PRSS27: variants seen among roughly 807,000 people sequenced by gnomAD.
PRSS27 encodes channel-activating protease 2.
PRSS27 carries 25 observed loss-of-function variants against 32.0 expected under a neutral mutation model. That is an observed-to-expected ratio of 0.78 (90% CI 0.57 to 1.09). The LOEUF (loss-of-function observed/expected upper bound fraction) is 1.09. Among genes scored for constraint, PRSS27 ranks in the 50% least tolerant of loss-of-function variants. The pLI is 0.00. For missense variants in PRSS27, 401 were observed against 394.9 expected (o/e 1.02, Z -0.13); for synonymous variants, 178 against 172.2 (o/e 1.03, Z -0.26).
rs1377684661 is a variant in PRSS27, at chr16:2,717,716, G to GCTC, written c.47-1191_47-1190insGAG. ...GTGGGGACAGGAAGTGGCCATGGAG[G>GCTC]GCCCAAGCACCCCCAGGGTTTTTAC... On this transcript the variant is annotated intron_variant, in intron 1 of 5. Coordinates refer to ENST00000302641, the MANE Select transcript of PRSS27 (RefSeq NM_031948.5). The surrounding 1 kb of genome is among the most constrained non-coding windows in gnomAD (Gnocchi z 4.1). The GCTC allele has an allele frequency of 6.6e-6, 1 of 152,444 alleles. No individual in the cohort carries two copies. The highest frequency in any genetic ancestry group is 1.9e-4 in the East Asian group (1 of 5,182). The allele number at this position is 152,444 out of a possible 1,614,324, so 9.4% of individuals were successfully genotyped here.
chr16:2,714,309 G>A lies in PRSS27; in HGVS notation c.264C>T (p.Val88=), dbSNP rs1363406741. 1.9e-6 allele frequency: 3 copies of A among 1,613,090 alleles called. No individual in the cohort carries two copies. Among genetic ancestry groups the A allele is most frequent in the African/African-American group, 2.7e-5 (2 of 74,942 alleles). ...RNTSETSLYQ[V]LLGARQLVQP... ...GCACTAGCTGCCTTGCCCCCAGCAG[G>A]ACCTGGTACAGGGACGTCTCAGAGG... Residue 88 remains valine, a synonymous_variant, in exon 4 of 6, where the codon GTC becomes GTT. Coordinates refer to ENST00000302641, the MANE Select transcript of PRSS27 (RefSeq NM_031948.5). The surrounding 1 kb of genome is among the most constrained non-coding windows in gnomAD (Gnocchi z 4.7).
Position 2,714,444 on chromosome 16 carries a change from C to T in PRSS27, c.237-108G>A, listed in dbSNP as rs754733714. 5 of 1,266,946 alleles carry T rather than the reference C, an allele frequency of 3.9e-6. No homozygotes were observed. Among genetic ancestry groups the T allele is most frequent in the Non-Finnish European group, 5.5e-6 (5 of 902,558 alleles). 78.5% of individuals were successfully genotyped at this position (1,266,946 alleles called of 1,614,324 possible). A position where few individuals can be genotyped will look rare whatever the true frequency, so the allele number is the denominator to read the frequency against. On this transcript the variant is annotated intron_variant, in intron 3 of 5. Transcript: ENST00000302641. This position sits in a 1 kb window ranked among gnomAD's most constrained non-coding sequence, Gnocchi z 4.7. The stretch of plus-strand genomic sequence containing the variant: ...CCACCGTGCCCCACACCTCTCTCTG[C>T]ACAATGTCTTCGAGAGTCATCTCTA...
rs2074367 is a variant in PRSS27, at chr16:2,719,914, C to T, written c.46+201G>A. 1.9e-4 allele frequency among the ~76,000 whole-genome samples: 29 copies of T among 152,310 alleles called. No individual in the cohort carries two copies. The East Asian group carries it at 5.6e-3, about 29-fold the overall frequency. ...GGTCCTCTGGGGCCTGTGCGCACAC[C>T]TCCCACCCTGCCTCCCCACTTTGGA... On this transcript the variant is annotated intron_variant, in intron 1 of 5. Coordinates refer to ENST00000302641, the MANE Select transcript of PRSS27 (RefSeq NM_031948.5).
At position 2,719,621 on chromosome 16, in the gene PRSS27, C is replaced by T. The variant is rs540735205; in HGVS notation, c.46+494G>A. 1.8e-4 allele frequency among the ~76,000 whole-genome samples: 27 copies of T among 152,260 alleles called. No individual in the cohort carries two copies. The Middle Eastern group carries it at 0.01, about 58-fold the overall frequency. On this transcript the variant is annotated intron_variant, in intron 1 of 5. Transcript: ENST00000302641. Reference sequence around the variant, plus strand: ...GGCCCTCTGCCACCTACACCCCCTGCCCCCAGCTCTCTACTGAGCCTGCAG... The same window carrying T: ...GGCCCTCTGCCACCTACACCCCCTGTCCCCAGCTCTCTACTGAGCCTGCAG...
chr16:2,718,885 G>A (rs960322991), intron 1 of PRSS27, among the ~76,000 whole-genome samples: 1 of 152,154 alleles, frequency 6.6e-6, no homozygotes, highest in African/African-American at 2.4e-5. Flanking sequence ...GGGCTGATGG[G>A]AAATGGGGGA....
chr16:2,720,023 C>A, intron 1 of PRSS27, 92 bp downstream of exon 1: 1 of 1,221,594 alleles, frequency 8.2e-7, no homozygotes, highest in Non-Finnish European at 1.2e-6. Context: ...CAGCCTGTCC[C>A]AGGGAGTAGG....
chr16:2,719,845 C>G (rs996455485), intron 1 of PRSS27, among the ~76,000 whole-genome samples: 1 of 152,176 alleles, frequency 6.6e-6, no homozygotes, highest in South Asian at 2.1e-4. Context: ...CACCAGTGCC[C>G]GCGGAGAGGC....
In PRSS27 at chr16:2,713,691, C is replaced by A; in HGVS notation, c.516G>T (p.Leu172=). ...GTTTCTGCAGGATCCGCGGTTCGGG[C>A]AGGAGGTCTGGAGAGGGGCGGAACA... ...GWGSPSEEDL[L]PEPRILQKLA... is the part of the protein sequence containing the mutation. The change falls in exon 5 of 6, where the codon CTG becomes CTT. Residue 172 remains leucine, a synonymous_variant. Transcript: ENST00000302641. 1.9e-6 allele frequency: 3 copies of A among 1,614,182 alleles called. No individual in the cohort carries two copies. The highest frequency in any genetic ancestry group is 1.1e-5 in the South Asian group (1 of 91,088).
chr16:2,715,764 G>C lies in PRSS27; in HGVS notation c.190C>G (p.Leu64Val). ...GTCAGGACCCACTGCTCCGCGATGA[G>C]GCTGCCCCCGCAGAAGTGGCTTCCG... ...RNGSHFCGGSLIAEQWVLTAA... is the reference protein window; with the variant it reads ...RNGSHFCGGSVIAEQWVLTAA... The change falls in exon 3 of 6, where the codon CTC becomes GTC. Residue 64 changes from leucine to valine, a missense_variant. Transcript: ENST00000302641. 1 of 1,588,976 alleles carries C rather than the reference G, an allele frequency of 6.3e-7. No individual in the cohort carries two copies. Among genetic ancestry groups the C allele is most frequent in the Non-Finnish European group, 8.5e-7 (1 of 1,171,244 alleles).
At chr16:2,715,674 G>C (rs776061767) in intron 3 of PRSS27, 44 bp downstream of exon 3, 1 of 1,502,242 alleles carries the variant, frequency 6.7e-7, no homozygotes, top group Non-Finnish European at 8.9e-7. Context: ...CGCGCGCGGG[G>C]CGCTGTCAGC....
chr16:2,713,352 C>A (rs901196731), intron 5 of PRSS27, 177 bp downstream of exon 5: 21 of 680,186 alleles, frequency 3.1e-5, no homozygotes, highest in South Asian at 3.0e-4. Context: ...CCCTCCTTGG[C>A]CTCCCAAAGT....
chr16:2,715,107 A>G (rs1223598295), intron 3 of PRSS27: 1 of 151,468 alleles, frequency 6.6e-6, no homozygotes, highest in African/African-American at 2.4e-5. Flanking sequence ...TTTTGTCATG[A>G]TATTCTTTTA....
At chr16:2,716,002 G>T in intron 2 of PRSS27, 122 bp from the exon 3 acceptor site, 1 of 858,938 alleles carries the variant, frequency 1.2e-6, no homozygotes, top group Non-Finnish European at 1.7e-6. Flanking sequence ...CGAAGACCTT[G>T]GGGAAGTCGG....
chr16:2,713,433 G>C (rs1002897891), intron 5 of PRSS27, 96 bp downstream of exon 5: 4 of 1,294,158 alleles, frequency 3.1e-6, no homozygotes, highest in Admixed American at 3.4e-5. Flanking sequence ...CTGCTCAGCT[G>C]GTTGAATGCA....
chr16:2,712,733 C>T lies in PRSS27; in HGVS notation c.760G>A (p.Ala254Thr). 3.1e-6 allele frequency: 5 copies of T among 1,587,660 alleles called. No individual in the cohort carries two copies. The highest frequency in any genetic ancestry group is 4.3e-6 in the Non-Finnish European group (5 of 1,167,204). The change falls in exon 6 of 6, where the codon GCC becomes ACC. Residue 254 changes from alanine to threonine, a missense_variant. Physicochemically the swap from Ala to Thr is moderately conservative, Grantham distance 58. Coordinates refer to ENST00000302641, the MANE Select transcript of PRSS27 (RefSeq NM_031948.5). This position sits in a 1 kb window ranked among gnomAD's most constrained non-coding sequence, Gnocchi z 4.6. ...TAGACACCTGGGCGGTTCTGGCGGGCACAGCCCTCACCCCAGCTGATCACC... is the reference window on the plus strand; with the variant it reads ...TAGACACCTGGGCGGTTCTGGCGGGTACAGCCCTCACCCCAGCTGATCACC... ...AGVISWGEGC[A>T]RQNRPGVYIR...
intron 3 of PRSS27, chr16:2,715,043 G>C (rs1240687966): frequency 6.6e-6 from 1 of 152,286 alleles, no homozygotes; most frequent in Admixed American, 6.5e-5. Flanking sequence ...TGGGATTACG[G>C]GTGTGAGCCA....
rs751728897 is a variant in PRSS27, at chr16:2,720,096, C to T, written c.46+19G>A. The T allele has an allele frequency of 6.9e-6, 11 of 1,594,966 alleles. No individual in the cohort carries two copies. In the South Asian group the frequency reaches 1.0e-4, roughly 15 times the overall value. On this transcript the variant is annotated intron_variant, in intron 1 of 5. Coordinates refer to ENST00000302641, the MANE Select transcript of PRSS27 (RefSeq NM_031948.5). ...GGTGGGGGACTGCACCACCAGGACC[C>T]TGCACCTTCACGACTCACCAAAACA...
At chr16:2,716,313 C>T (rs773290406) in intron 2 of PRSS27, 187 bp downstream of exon 2, 27 of 642,700 alleles carry the variant, frequency 4.2e-5, no homozygotes, top group Non-Finnish European at 5.3e-5. Context: ...CTGTGCTGCC[C>T]GTCCTGCTCT....
Position 2,714,864 on chromosome 16 carries a change from G to A in PRSS27, c.237-528C>T, listed in dbSNP as rs2067691148. 1 of 160,504 alleles carries A rather than the reference G, an allele frequency of 6.2e-6. No individual in the cohort carries two copies. The allele number at this position is 160,504 out of a possible 1,614,324, so 9.9% of individuals were successfully genotyped here. A position where few individuals can be genotyped will look rare whatever the true frequency, so the allele number is the denominator to read the frequency against. On this transcript the variant is annotated intron_variant, in intron 3 of 5. Transcript: ENST00000302641. This position sits in a 1 kb window ranked among gnomAD's most constrained non-coding sequence, Gnocchi z 4.7. ...AGCCATCCTCTCGCCTCAGCTTCCT[G>A]AGTACTTGGGACCACAGGCACCACT...
Sources: gnomAD v4.1 joint callset for allele counts (sites outside exome capture counted in the v4.1 genomes callset) on GRCh38, gnomAD v4.1.1 for gene constraint, Gnocchi (gnomAD v3.1) non-coding constraint, MANE v1.5 for transcripts, NCBI Gene and HGNC (gene_info 2026-07-23, HGNC 2026-07-21) for gene names.